Variants in IL1RAPL1 observed in about 807,000 individuals in gnomAD.
The protein encoded by IL1RAPL1 is interleukin 1 receptor accessory protein like 1.
Under a neutral mutation model 48.4 loss-of-function variants are expected in IL1RAPL1, and 3 were observed. The ratio of observed to expected loss-of-function variants is 0.06; its 90% CI spans 0.03 to 0.16. The LOEUF (loss-of-function observed/expected upper bound fraction) is 0.16, where lower values mean the gene tolerates loss of function less well. Ranked by LOEUF, IL1RAPL1 falls within the 10% of genes least tolerant of loss-of-function variation. The pLI, the probability that IL1RAPL1 is intolerant of heterozygous loss-of-function variation, is 1.00. For missense variants in IL1RAPL1, 349 were observed against 530.6 expected (o/e 0.66, Z 3.36); for synonymous variants, 185 against 187.7 (o/e 0.99, Z 0.12).
chrX:29,326,786 G>T (rs1932845362), intron 3 of IL1RAPL1, among the ~76,000 whole-genome samples: 1 of 111,653 alleles, frequency 9.0e-6, no homozygotes, highest in South Asian at 3.7e-4. Flanking sequence ...CGATTCAAGG[G>T]TTATACAATT....
rs767693844 is a variant in IL1RAPL1 at position 29,802,957 on chromosome X, A to G, written c.779-114507A>G. The stretch of plus-strand genomic sequence containing the variant: ...TGTGTACATATGTATGCATATATGT[A>G]TACATGTGTACATATATACATACAT... On this transcript the variant is annotated intron_variant, in intron 6 of 10. Transcript: ENST00000378993. Among the ~76,000 whole-genome samples the G allele has an allele frequency of 4.5e-4, 39 of 87,196 alleles. 1 individual carries two copies. Among genetic ancestry groups the G allele is most frequent in the African/African-American group, 1.6e-3 (36 of 21,822 alleles). The allele number at this position is 87,196 out of a possible 115,157, so 75.7% of individuals were successfully genotyped here.
chrX:28,732,447 T>A (rs1158680313), intron 1 of IL1RAPL1, among the ~76,000 whole-genome samples: 1 of 112,048 alleles, frequency 8.9e-6, no homozygotes, highest in Non-Finnish European at 1.9e-5. Flanking sequence ...CCTTTCATAC[T>A]GTGTGAACTC....
rs142946627 is a variant in IL1RAPL1, at chrX:29,448,186, T to C, written c.703+48878T>C. Among the ~76,000 whole-genome samples the C allele has an allele frequency of 1.8e-3, 196 of 111,602 alleles. 5 individuals are homozygous for C. In the East Asian group the frequency reaches 0.036, roughly 21 times the overall value. Reference sequence around the variant, plus strand: ...ACTTGATTTAGAAAGATTCTTATATTGTGTCAGGAGTGAAATTAGAGTGGG... The same window carrying C: ...ACTTGATTTAGAAAGATTCTTATATCGTGTCAGGAGTGAAATTAGAGTGGG... On this transcript the variant is annotated intron_variant, in intron 5 of 10. Coordinates refer to ENST00000378993, the MANE Select transcript of IL1RAPL1 (RefSeq NM_014271.4).
In IL1RAPL1 at chrX:29,806,897, TG is replaced by T. The variant is rs1930268261; in HGVS notation, c.779-110566del. On this transcript the variant is annotated intron_variant, in intron 6 of 10. Coordinates refer to ENST00000378993, the MANE Select transcript of IL1RAPL1 (RefSeq NM_014271.4). ...CACAAGATCTGGTTGTTTACAAGTG[TG>T]TGGCACCTCCTCCTGCACTTACTCT... is the stretch of plus-strand genomic sequence containing the variant. 7.3e-5 allele frequency among the ~76,000 whole-genome samples: 8 copies of T among 110,231 alleles called. No individual in the cohort carries two copies. The South Asian group carries it at 3.1e-3, about 43-fold the overall frequency.
chrX:29,701,543 T>C (rs759344312), intron 6 of IL1RAPL1, among the ~76,000 whole-genome samples: 1 of 112,104 alleles, frequency 8.9e-6, no homozygotes, highest in East Asian at 2.8e-4. Flanking sequence ...AGCTTCAAAG[T>C]GGATAACTCA....
intron 5 of IL1RAPL1, among the ~76,000 whole-genome samples, chrX:29,431,397 T>C (rs974371459): frequency 2.7e-5 from 3 of 112,019 alleles, no homozygotes; most frequent in Non-Finnish European, 5.6e-5. Flanking sequence ...TTCTTCAAGG[T>C]ATGCTAATGA....
intron 1 of IL1RAPL1, among the ~76,000 whole-genome samples, chrX:28,669,096 G>A (rs557347658): frequency 1.8e-5 from 2 of 111,007 alleles, no homozygotes; most frequent in Admixed American, 9.6e-5. Context: ...AACAAAGATG[G>A]ACTTTGTTCA....
At chrX:28,918,935 G>A (rs1029365132) in intron 2 of IL1RAPL1, among the ~76,000 whole-genome samples, 1 of 111,416 alleles carries the variant, frequency 9.0e-6, no homozygotes, top group African/African-American at 3.3e-5. Flanking sequence ...TTTTTAGCAG[G>A]AAATTAACAT....
intron 5 of IL1RAPL1, among the ~76,000 whole-genome samples, chrX:29,488,709 G>C (rs531048618): frequency 2.9e-3 from 322 of 110,545 alleles, no homozygotes; most frequent in Middle Eastern, 9.3e-3. Context: ...AACTATGAGA[G>C]GTGGTGCACA....
chrX:29,414,244 TA>T (rs754252756), intron 5 of IL1RAPL1, among the ~76,000 whole-genome samples: 87 of 110,247 alleles, frequency 7.9e-4, no homozygotes, highest in African/African-American at 2.8e-3. Flanking sequence ...TTTGGGATGA[TA>T]AAAAAAAGTT....
At chrX:28,837,989 C>T (rs1921269387) in intron 2 of IL1RAPL1, among the ~76,000 whole-genome samples, 1 of 110,658 alleles carries the variant, frequency 9.0e-6, no homozygotes, top group South Asian at 3.7e-4. Flanking sequence ...TTATTATCTT[C>T]ACCAAATCAC....
In IL1RAPL1 at chrX:29,668,029, CA is replaced by C. The variant is rs780897189; in HGVS notation, c.704-393del. On this transcript the variant is annotated intron_variant, in intron 5 of 10. Transcript: ENST00000378993. ...TAAGAATAATGAGATAAATTTATGCCAAAAAAAATCATTGTAATACATGCCA... is the reference window on the plus strand; with the variant it reads ...TAAGAATAATGAGATAAATTTATGCCAAAAAAATCATTGTAATACATGCCA... 8.0e-3 allele frequency among the ~76,000 whole-genome samples: 879 copies of C among 109,918 alleles called. 5 individuals are homozygous for C. The highest frequency in any genetic ancestry group is 0.028 in the African/African-American group (849 of 30,334).
At chrX:29,296,517 C>A (rs1342742824) in intron 3 of IL1RAPL1, among the ~76,000 whole-genome samples, 1 of 87,907 alleles carries the variant, frequency 1.1e-5, no homozygotes, top group Non-Finnish European at 2.7e-5. Context: ...TCTTGGACAA[C>A]CTTCTTTTTT....
At chrX:28,923,245 C>T (rs368749345) in intron 2 of IL1RAPL1, among the ~76,000 whole-genome samples, 2 of 109,794 alleles carry the variant, frequency 1.8e-5, no homozygotes, top group African/African-American at 3.3e-5. Context: ...GGTGCGTTCT[C>T]GGCTCACTGC....
chrX:29,301,868 C>T (rs1026230561), intron 3 of IL1RAPL1, among the ~76,000 whole-genome samples: 10 of 110,877 alleles, frequency 9.0e-5, no homozygotes, highest in Non-Finnish European at 1.7e-4. Flanking sequence ...TGAGGCTACA[C>T]GAGATAGATC....
chrX:29,723,341 C>A (rs1047851597), intron 6 of IL1RAPL1, among the ~76,000 whole-genome samples: 1 of 111,906 alleles, frequency 8.9e-6, no homozygotes, highest in Non-Finnish European at 1.9e-5. Context: ...CTGTGCCTCC[C>A]GGGCTCAAGT....
intron 2 of IL1RAPL1, among the ~76,000 whole-genome samples, chrX:28,989,812 T>C (rs772674765): frequency 1.3e-4 from 14 of 111,965 alleles, no homozygotes; most frequent in African/African-American, 1.9e-4. Flanking sequence ...AAGACAAACC[T>C]ATACTTGTAA....
chrX:28,626,413 G>A (rs1322167089), intron 1 of IL1RAPL1, among the ~76,000 whole-genome samples: 1 of 111,710 alleles, frequency 9.0e-6, no homozygotes, highest in Admixed American at 9.5e-5. Flanking sequence ...TTTTTTTAAA[G>A]CAAATGAATG....
At chrX:29,571,279 T>G (rs1922590660) in intron 5 of IL1RAPL1, among the ~76,000 whole-genome samples, 1 of 111,541 alleles carries the variant, frequency 9.0e-6, no homozygotes, top group African/African-American at 3.3e-5. Context: ...CAGTGTGCTC[T>G]TCACATTTTA....
Sources: gnomAD v4.1 joint callset for allele counts (sites outside exome capture counted in the v4.1 genomes callset) on GRCh38, gnomAD v4.1.1 for gene constraint, MANE v1.5 for transcripts, NCBI Gene and HGNC (gene_info 2026-07-23, HGNC 2026-07-21) for gene names.